Variants in ROBO1 observed in about 807,000 individuals in gnomAD.
ROBO1 encodes the protein roundabout homolog 1.
Under a neutral mutation model 195.9 loss-of-function variants are expected in ROBO1, and 149 were observed. The ratio of observed to expected loss-of-function variants is 0.76; its 90% CI spans 0.67 to 0.87. The LOEUF (loss-of-function observed/expected upper bound fraction) is 0.87, where lower values mean the gene tolerates loss of function less well. ROBO1 is among the 40% of genes least tolerant of loss of function. The probability of loss-of-function intolerance (pLI) is 0.00; values close to 1 mark genes in which losing one functional copy is unlikely to be tolerated. For synonymous variants in ROBO1, 816 were observed against 733.2 expected (o/e 1.11, Z -1.82); for missense variants, 1,933 against 2,068.3 (o/e 0.93, Z 1.27).
intron 2 of ROBO1, among the ~76,000 whole-genome samples, chr3:79,351,391 C>A (rs180738296): frequency 6.6e-6 from 1 of 152,262 alleles, no homozygotes; most frequent in Admixed American, 6.5e-5. Flanking sequence ...AAATGTCAAA[C>A]ACTCAGATTT....
chr3:78,988,974 TA>T (rs1262406937), intron 3 of ROBO1, among the ~76,000 whole-genome samples: 1 of 151,912 alleles, frequency 6.6e-6, no homozygotes, highest in Non-Finnish European at 1.5e-5. Flanking sequence ...ATCACAAAAG[TA>T]AAAAGTAGAA....
chr3:79,167,937 A>G (rs930299405), intron 2 of ROBO1, among the ~76,000 whole-genome samples: 1 of 152,184 alleles, frequency 6.6e-6, no homozygotes, highest in African/African-American at 2.4e-5. Flanking sequence ...TATGCATGGG[A>G]AGAATTTAGA....
intron 2 of ROBO1, among the ~76,000 whole-genome samples, chr3:79,214,829 T>A (rs528397266): frequency 0.02 from 2,851 of 145,322 alleles, 22 homozygotes; most frequent in African/African-American, 0.031. Context: ...TATATATATT[T>A]TTTTTTTTTT....
intron 1 of ROBO1, among the ~76,000 whole-genome samples, chr3:79,599,142 T>C (rs916525500): frequency 2.0e-5 from 3 of 152,056 alleles, no homozygotes; most frequent in African/African-American, 7.2e-5. Flanking sequence ...ATTTTATCAC[T>C]ACAAAATGAG....
At chr3:79,327,952 T>G (rs1260926245) in intron 2 of ROBO1, among the ~76,000 whole-genome samples, 1 of 152,230 alleles carries the variant, frequency 6.6e-6, no homozygotes, top group African/African-American at 2.4e-5. Flanking sequence ...TTAAATTTCC[T>G]ATATAATACA....
chr3:79,476,119 C>A (rs1938533903), intron 2 of ROBO1, among the ~76,000 whole-genome samples: 1 of 152,016 alleles, frequency 6.6e-6, no homozygotes, highest in African/African-American at 2.4e-5. Flanking sequence ...AGAAGATATA[C>A]AAACGGCCAA....
chr3:79,045,479 T>C (rs1196871955), intron 3 of ROBO1, among the ~76,000 whole-genome samples: 1 of 152,030 alleles, frequency 6.6e-6, no homozygotes, highest in East Asian at 1.9e-4. Context: ...GAGAAACATA[T>C]GGAGATATAT....
chr3:79,244,726 C>T (rs1375734038), intron 2 of ROBO1, among the ~76,000 whole-genome samples: 1 of 151,976 alleles, frequency 6.6e-6, no homozygotes, highest in Non-Finnish European at 1.5e-5. Flanking sequence ...CAACATTAAG[C>T]TTGGGTTTAA....
chr3:78,875,729 C>T (rs368704316), intron 4 of ROBO1, among the ~76,000 whole-genome samples: 1 of 151,926 alleles, frequency 6.6e-6, no homozygotes, highest in East Asian at 1.9e-4. Flanking sequence ...GGAAGCAAAA[C>T]GTTACAGAGA....
intron 3 of ROBO1, among the ~76,000 whole-genome samples, chr3:79,058,852 A>G (rs1403194181): frequency 6.6e-6 from 1 of 152,112 alleles, no homozygotes; most frequent in African/African-American, 2.4e-5. Context: ...AAAAGATCTA[A>G]GAGATTTGTT....
intron 4 of ROBO1, among the ~76,000 whole-genome samples, chr3:78,897,945 TTAGTAAACCAAAATACAAAAAA>T (rs1352410780): frequency 3.3e-5 from 5 of 151,822 alleles, no homozygotes; most frequent in Non-Finnish European, 5.9e-5. Context: ...TGTGATATAG[TTAGTAAACCAAAATACAAAAAA>T]AACCCAGAGT....
At chr3:78,947,052 A>C (rs986918804) in intron 3 of ROBO1, among the ~76,000 whole-genome samples, 7 of 152,192 alleles carry the variant, frequency 4.6e-5, no homozygotes, top group Non-Finnish European at 8.8e-5. Flanking sequence ...AAAGAGACTT[A>C]GACTCCCACA....
chr3:79,503,616 T>C (rs755302839), intron 2 of ROBO1, among the ~76,000 whole-genome samples: 1 of 152,142 alleles, frequency 6.6e-6, no homozygotes, highest in African/African-American at 2.4e-5. Flanking sequence ...GGAGGATAGG[T>C]CTGTGTCGAA....
chr3:79,218,242 A>C (rs1302657393), intron 2 of ROBO1, among the ~76,000 whole-genome samples: 1 of 152,028 alleles, frequency 6.6e-6, no homozygotes, highest in Non-Finnish European at 1.5e-5. Flanking sequence ...GGAAATTTGA[A>C]ATGTAAACTT....
chr3:79,758,759 T>A (rs183122971), intron 1 of ROBO1, among the ~76,000 whole-genome samples: 7 of 151,992 alleles, frequency 4.6e-5, no homozygotes, highest in Admixed American at 1.3e-4. Context: ...AGGAGACAGG[T>A]GGGGAAAGGG....
rs141031984 is a variant in ROBO1, at chr3:78,686,173, C to T, written c.1171-256G>A. Reference sequence around the variant, plus strand: ...CATATACAAGGTTTAATAATCTAACCTCAAATAGGGTCATTTGAAAATTTA... The same window carrying T: ...CATATACAAGGTTTAATAATCTAACTTCAAATAGGGTCATTTGAAAATTTA... On this transcript the variant is annotated intron_variant, in intron 9 of 30. Coordinates refer to ENST00000464233, the MANE Select transcript of ROBO1 (RefSeq NM_002941.4). 3.6e-3 allele frequency among the ~76,000 whole-genome samples: 544 copies of T among 152,070 alleles called. 2 individuals carry two copies. The highest frequency in any genetic ancestry group is 6.7e-3 in the Non-Finnish European group (457 of 68,010).
chr3:79,767,975 C>T lies in ROBO1; in HGVS notation c.-274G>A, dbSNP rs966237518. ...CTTCAGTAGAGAATTCTTTCAAACC[C>T]GTTATCTGTATTACTATTAATGCGC... On this transcript the variant is annotated 5_prime_UTR_variant, in exon 1 of 31. Transcript: ENST00000464233. Among the ~76,000 whole-genome samples, 6 of 152,136 alleles carry T rather than the reference C, an allele frequency of 3.9e-5. No homozygotes were observed. Among genetic ancestry groups the T allele is most frequent in the African/African-American group, 1.4e-4 (6 of 41,432 alleles).
chr3:79,601,351 T>C (rs1483246076), intron 1 of ROBO1, among the ~76,000 whole-genome samples: 1 of 151,974 alleles, frequency 6.6e-6, no homozygotes, highest in Non-Finnish European at 1.5e-5. Flanking sequence ...AAACAAAATG[T>C]AAATAGCTTC....
intron 1 of ROBO1, among the ~76,000 whole-genome samples, chr3:79,745,883 C>T (rs1463630532): frequency 6.6e-6 from 1 of 152,040 alleles, no homozygotes; most frequent in East Asian, 1.9e-4. Flanking sequence ...TAAAAATGCT[C>T]TTAATTATGA....
Sources: allele counts gnomAD v4.1 joint callset (sites outside exome capture counted in the v4.1 genomes callset), GRCh38; gene constraint gnomAD v4.1.1; transcripts MANE v1.5; gene names NCBI Gene and HGNC (gene_info 2026-07-23, HGNC 2026-07-21).